The following PRKN variants were observed in gnomAD, a reference collection of about 807,000 sequenced individuals.
PRKN encodes parkin RBR E3 ubiquitin protein ligase.
In PRKN, 56 loss-of-function variants were observed where a neutral mutation model predicts 59.5. The ratio of observed to expected loss-of-function variants is 0.94; its 90% CI spans 0.76 to 1.18. The LOEUF is 1.18. PRKN is among the 50% of genes most tolerant of loss of function. PRKN has a pLI of 0.00. For synonymous variants in PRKN, 250 were observed against 222.1 expected (o/e 1.13, Z -1.12); for missense variants, 657 against 596.4 (o/e 1.10, Z -1.06).
At position 161,738,718 on chromosome 6, in the gene PRKN, C is replaced by T. The variant is rs143239008; in HGVS notation, c.871+47054G>A. 1.4e-3 allele frequency among the ~76,000 whole-genome samples: 209 copies of T among 152,292 alleles called. 1 individual carries two copies. Among genetic ancestry groups the T allele is most frequent in the Middle Eastern group, 6.8e-3 (2 of 294 alleles). The stretch of plus-strand genomic sequence containing the variant: ...GTGCAGTCACCACTGATGGGTTCTA[C>T]ATCCGTCTTAGACCTGCAGGTGGGG... On this transcript the variant is annotated intron_variant, in intron 7 of 11. Coordinates refer to ENST00000366898, the MANE Select transcript of PRKN (RefSeq NM_004562.3).
chr6:162,483,911 C>G (rs1187588629), intron 1 of PRKN, among the ~76,000 whole-genome samples: 2 of 152,094 alleles, frequency 1.3e-5, no homozygotes. Context: ...AGTTAAATAC[C>G]TTGTGTTCCA....
At chr6:162,187,990 G>A (rs1163678126) in intron 4 of PRKN, among the ~76,000 whole-genome samples, 1 of 152,108 alleles carries the variant, frequency 6.6e-6, no homozygotes, top group Non-Finnish European at 1.5e-5. Flanking sequence ...CTTGAACTAT[G>A]GGGGTGGGTT....
intron 6 of PRKN, among the ~76,000 whole-genome samples, chr6:161,886,965 T>G (rs1795178391): frequency 6.6e-6 from 1 of 152,138 alleles, no homozygotes; most frequent in African/African-American, 2.4e-5. Context: ...CAAAAACTTC[T>G]GAAGAAAGAT....
rs187086146 is a variant in PRKN, at chr6:162,127,838, C to T, written c.534+73293G>A. Among the ~76,000 whole-genome samples the T allele has an allele frequency of 3.2e-3, 483 of 152,280 alleles. 1 individual carries two copies. The highest frequency in any genetic ancestry group is 4.8e-3 in the Non-Finnish European group (328 of 68,038). ...ATCTTTACTGGCATACTTATAAATA[C>T]ACAATTAAAATATACAATGAAAATC... On this transcript the variant is annotated intron_variant, in intron 4 of 11. Transcript: ENST00000366898.
chr6:162,648,795 A>T (rs972384687), intron 1 of PRKN, among the ~76,000 whole-genome samples: 1 of 152,194 alleles, frequency 6.6e-6, no homozygotes, highest in Non-Finnish European at 1.5e-5. Context: ...TTATGTGTTA[A>T]CTTAGCTGGG....
intron 4 of PRKN, among the ~76,000 whole-genome samples, chr6:162,166,047 C>CAAA (rs10557222): frequency 9.0e-4 from 72 of 80,182 alleles, no homozygotes; most frequent in African/African-American, 2.2e-3. Context: ...GACTCTATCT[C>CAAA]AAAAAAAAAA....
intron 1 of PRKN, among the ~76,000 whole-genome samples, chr6:162,700,183 C>G (rs1395011707): frequency 5.9e-5 from 9 of 152,148 alleles, no homozygotes; most frequent in Admixed American, 5.9e-4. Flanking sequence ...CCTGCAATTG[C>G]CCCATGCTTA....
intron 9 of PRKN, among the ~76,000 whole-genome samples, chr6:161,541,500 A>G (rs1779612781): frequency 6.6e-6 from 1 of 152,222 alleles, no homozygotes; most frequent in East Asian, 1.9e-4. Context: ...ACATTATTCA[A>G]AAAGATGGAT....
At chr6:162,535,601 G>T (rs1376826248) in intron 1 of PRKN, among the ~76,000 whole-genome samples, 1 of 151,812 alleles carries the variant, frequency 6.6e-6, no homozygotes, top group Admixed American at 6.6e-5. Flanking sequence ...TAGCATTCCA[G>T]AATCAAAGTT....
chr6:161,375,124 G>A (rs1785639415), intron 10 of PRKN, among the ~76,000 whole-genome samples: 1 of 152,094 alleles, frequency 6.6e-6, no homozygotes, highest in Non-Finnish European at 1.5e-5. Context: ...AGCGAGCTCA[G>A]GGGACCCGCA....
At chr6:161,786,816 C>T (rs977770274) in intron 6 of PRKN, among the ~76,000 whole-genome samples, 1 of 152,022 alleles carries the variant, frequency 6.6e-6, no homozygotes, top group Non-Finnish European at 1.5e-5. Flanking sequence ...TCGAAACCAT[C>T]CAAATATTCA....
intron 6 of PRKN, among the ~76,000 whole-genome samples, chr6:161,907,306 G>C (rs1428478984): frequency 6.6e-6 from 1 of 152,028 alleles, no homozygotes; most frequent in Non-Finnish European, 1.5e-5. Flanking sequence ...AATCGTCAAG[G>C]GTTTTGAGAC....
At chr6:162,540,131 C>T (rs1356411599) in intron 1 of PRKN, among the ~76,000 whole-genome samples, 4 of 152,114 alleles carry the variant, frequency 2.6e-5, no homozygotes, top group Admixed American at 2.6e-4. Flanking sequence ...GGCCAAGCTG[C>T]TCTCGAACTC....
chr6:162,004,997 C>T (rs1457138517), intron 5 of PRKN, among the ~76,000 whole-genome samples: 4 of 152,176 alleles, frequency 2.6e-5, no homozygotes, highest in Non-Finnish European at 5.9e-5. Flanking sequence ...AATTAATTGT[C>T]TGTAGGGACA....
At chr6:161,427,787 G>C (rs181787962) in intron 9 of PRKN, among the ~76,000 whole-genome samples, 16 of 152,232 alleles carry the variant, frequency 1.1e-4, no homozygotes, top group Middle Eastern at 3.4e-3. Flanking sequence ...GGAAGAGTAC[G>C]CAATCAGGCT....
intron 6 of PRKN, among the ~76,000 whole-genome samples, chr6:161,798,989 C>T (rs1164847086): frequency 6.6e-6 from 1 of 152,180 alleles, no homozygotes; most frequent in Non-Finnish European, 1.5e-5. Flanking sequence ...TCTATGTTCT[C>T]GCCAGACTAG....
intron 4 of PRKN, among the ~76,000 whole-genome samples, chr6:162,094,048 G>C (rs750500580): frequency 6.6e-6 from 1 of 152,162 alleles, no homozygotes; most frequent in Non-Finnish European, 1.5e-5. Flanking sequence ...GATAAGCACT[G>C]GGCAGTGGTT....
chr6:162,244,580 T>C (rs1185952194), intron 3 of PRKN, among the ~76,000 whole-genome samples: 1 of 152,094 alleles, frequency 6.6e-6, no homozygotes, highest in African/African-American at 2.4e-5. Flanking sequence ...GTATATGCAT[T>C]CACGCCAAAT....
At chr6:162,402,461 T>C (rs980579336) in intron 2 of PRKN, among the ~76,000 whole-genome samples, 1 of 151,806 alleles carries the variant, frequency 6.6e-6, no homozygotes, top group Non-Finnish European at 1.5e-5. Context: ...GTAAAACAAA[T>C]GCAGAAGTCT....
Sources: allele counts gnomAD v4.1 joint callset (sites outside exome capture counted in the v4.1 genomes callset), GRCh38; gene constraint gnomAD v4.1.1; transcripts MANE v1.5; gene names NCBI Gene and HGNC (gene_info 2026-07-23, HGNC 2026-07-21).